Variants in SLA2 observed in about 807,000 individuals in gnomAD.
SLA2 encodes Src like adaptor 2.
SLA2 carries 22 observed loss-of-function variants against 27.3 expected under a neutral mutation model. The ratio of observed to expected loss-of-function variants is 0.81; its 90% CI spans 0.58 to 1.15. The LOEUF is 1.15. Ranked by LOEUF, SLA2 falls within the 50% of genes most tolerant of loss-of-function variation. The probability of loss-of-function intolerance (pLI) is 0.00; values close to 1 mark genes in which losing one functional copy is unlikely to be tolerated. For missense variants in SLA2, 304 were observed against 322.2 expected (o/e 0.94, Z 0.43); for synonymous variants, 131 against 137.8 (o/e 0.95, Z 0.34).
chr20:36,613,812 A>G lies in SLA2; in HGVS notation c.*54T>C. 2.3e-6 allele frequency: 3 copies of G among 1,279,116 alleles called. No homozygotes were observed. Among genetic ancestry groups the G allele is most frequent in the Non-Finnish European group, 3.1e-6 (3 of 971,616 alleles). 79.2% of individuals were successfully genotyped at this position (1,279,116 alleles called of 1,614,324 possible). ...TGCCTCTGGGGTGCCCAGGAGGCTG[A>G]ATTGGGGTTCTAGGTGTGCAGCCTT... On this transcript the variant is annotated 3_prime_UTR_variant, in exon 8 of 8. Transcript: ENST00000262866.
rs1978287868 is a variant in SLA2, at chr20:36,646,099, C to G, written c.-306G>C. 2 of 152,412 alleles carry G rather than the reference C, an allele frequency of 1.3e-5. No homozygotes were observed. The highest frequency in any genetic ancestry group is 4.1e-4 in the South Asian group (2 of 4,830). The allele number at this position is 152,412 out of a possible 1,614,324, so 9.4% of individuals were successfully genotyped here. On this transcript the variant is annotated 5_prime_UTR_variant, in exon 1 of 8. Coordinates refer to ENST00000262866, the MANE Select transcript of SLA2 (RefSeq NM_032214.4). ...CTTAGGGATTCTGGACTGGGGAACC[C>G]TCCCAAGCACAGCCGAGCCAGGGAG...
chr20:36,616,684 G>A lies in SLA2; in HGVS notation c.383-1310C>T, dbSNP rs531019530. Among the ~76,000 whole-genome samples the A allele has an allele frequency of 2.6e-4, 39 of 152,216 alleles. 2 individuals are homozygous for A. The South Asian group carries it at 4.8e-3, about 19-fold the overall frequency. On this transcript the variant is annotated intron_variant, in intron 5 of 7. Transcript: ENST00000262866. The stretch of plus-strand genomic sequence containing the variant: ...GCTCTCGCTCTGTTGCCCAGATGGC[G>A]TGCAGTGGCATGATCACAGCTCCTG...
At chr20:36,623,202 C>T (rs986973409) in intron 5 of SLA2, among the ~76,000 whole-genome samples, 1 of 138,736 alleles carries the variant, frequency 7.2e-6, no homozygotes, top group Non-Finnish European at 1.5e-5. Context: ...AGGAGGCAGA[C>T]GTTGCAGTGA....
At chr20:36,633,400 G>T in intron 4 of SLA2, 143 bp downstream of exon 4, 1 of 700,586 alleles carries the variant, frequency 1.4e-6, no homozygotes, top group Non-Finnish European at 2.6e-6. Flanking sequence ...AGGATGAGCT[G>T]TCTGCCCCTC....
At chr20:36,614,892 T>C (rs1172090196) in intron 6 of SLA2, 1 of 984,904 alleles carries the variant, frequency 1.0e-6, no homozygotes, top group Admixed American at 6.2e-5. Context: ...CTAAGGAGAG[T>C]CAGGATTGAA....
intron 5 of SLA2, chr20:36,621,192 T>TGGTGGC (rs2039278639): frequency 2.1e-6 from 1 of 476,400 alleles, no homozygotes; most frequent in Non-Finnish European, 4.1e-6. Context: ...GTGGTGGATA[T>TGGTGGC]GGTGGCGGTG....
rs369787938 is a variant in SLA2, at chr20:36,641,238, G to A, written c.91+7C>T. ...AGAGCCTGGCTGTCACAGGCCCTGAGGCCTACCTGCTTCCATGGTCACAGG... is the reference window on the plus strand; with the variant it reads ...AGAGCCTGGCTGTCACAGGCCCTGAAGCCTACCTGCTTCCATGGTCACAGG... On this transcript the variant is annotated splice_region_variant and intron_variant, in intron 2 of 7. Coordinates refer to ENST00000262866, the MANE Select transcript of SLA2 (RefSeq NM_032214.4). The A allele has an allele frequency of 1.6e-5, 26 of 1,612,878 alleles. No individual in the cohort carries two copies. The African/African-American group carries it at 2.9e-4, about 18-fold the overall frequency.
chr20:36,622,795 C>T (rs2039298042), intron 5 of SLA2, among the ~76,000 whole-genome samples: 1 of 152,186 alleles, frequency 6.6e-6, no homozygotes, highest in Admixed American at 6.6e-5. Context: ...TATATTGGGT[C>T]CATCTGGACA....
At position 36,637,783 on chromosome 20, in the gene SLA2, T is replaced by G. The variant is rs139331618; in HGVS notation, c.92-3194A>C. On this transcript the variant is annotated intron_variant, in intron 2 of 7. Coordinates refer to ENST00000262866, the MANE Select transcript of SLA2 (RefSeq NM_032214.4). ...CTGGGATTACAGGCACATACCACTA[T>G]GCCTGGCTAATTTTTTTGTACTTTT... Among the ~76,000 whole-genome samples the G allele has an allele frequency of 4.3e-3, 638 of 147,096 alleles. 5 individuals are homozygous for G. Among genetic ancestry groups the G allele is most frequent in the African/African-American group, 0.015 (604 of 39,646 alleles).
chr20:36,625,034 C>T (rs538079335), intron 5 of SLA2, among the ~76,000 whole-genome samples: 3 of 152,254 alleles, frequency 2.0e-5, no homozygotes, highest in Admixed American at 2.0e-4. Flanking sequence ...ATTCAGTAAA[C>T]ATCTGCTGAG....
At chr20:36,620,722 A>C (rs2039273222) in intron 5 of SLA2, 1 of 166,112 alleles carries the variant, frequency 6.0e-6, no homozygotes, top group Non-Finnish European at 1.3e-5. Context: ...GGTGTGCACC[A>C]CCAAGCCTGG....
chr20:36,640,156 A>C (rs2039492004), intron 2 of SLA2, among the ~76,000 whole-genome samples: 1 of 151,020 alleles, frequency 6.6e-6, no homozygotes, highest in South Asian at 2.1e-4. Context: ...AAAATTTTAA[A>C]ATTTAGCCAG....
Position 36,632,614 on chromosome 20 carries a change from C to T in SLA2, c.363G>A (p.Arg121=). The change falls in exon 5 of 8, where the codon CGG becomes CGA. Residue 121 remains arginine, a synonymous_variant. Transcript: ENST00000262866. ...PGNPGGAFLI[R]ESQTRRGSYS... ...ACTCACCTCTCCTGGTCTGGCTCTC[C>T]CGGATGAGGAAGGCCCCTCCAGGGT... 1.2e-6 allele frequency: 2 copies of T among 1,614,164 alleles called. No homozygotes were observed. The highest frequency in any genetic ancestry group is 1.7e-6 in the Non-Finnish European group (2 of 1,180,018).
At chr20:36,633,119 T>A (rs2039408794) in intron 4 of SLA2, among the ~76,000 whole-genome samples, 2 of 152,180 alleles carry the variant, frequency 1.3e-5, no homozygotes, top group Admixed American at 1.3e-4. Flanking sequence ...TGGCCTAGAC[T>A]AGAGTGCAGT....
At chr20:36,621,218 G>T (rs968840337) in intron 5 of SLA2, 2 of 518,970 alleles carry the variant, frequency 3.9e-6, no homozygotes, top group East Asian at 4.8e-5. Context: ...GGATATGATG[G>T]TTACAATGAA....
At chr20:36,623,685 A>T (rs1476751867) in intron 5 of SLA2, among the ~76,000 whole-genome samples, 2 of 151,352 alleles carry the variant, frequency 1.3e-5, no homozygotes, top group African/African-American at 4.9e-5. Context: ...TTTTAGAGAC[A>T]GTTTCACTGT....
chr20:36,634,533 C>T lies in SLA2; in HGVS notation c.148G>A (p.Glu50Lys), dbSNP rs556544498. 18 of 1,611,432 alleles carry T rather than the reference C, an allele frequency of 1.1e-5. No homozygotes were observed. The highest frequency in any genetic ancestry group is 1.6e-4 in the Middle Eastern group (1 of 6,076). ...LGSFPAGGPA[E>K]LSLRLGEPLT... ...GGCTCCCCGAGTCTCAGCGACAGCTCGGCCGGGCCACCTGCCGGGAAACTG... is the reference window on the plus strand; with the variant it reads ...GGCTCCCCGAGTCTCAGCGACAGCTTGGCCGGGCCACCTGCCGGGAAACTG... The change falls in exon 3 of 8, where the codon GAG becomes AAG. Residue 50 changes from glutamate to lysine, a missense_variant. Glu to Lys is a moderately conservative substitution (Grantham distance 56). Transcript: ENST00000262866.
intron 2 of SLA2, among the ~76,000 whole-genome samples, chr20:36,637,580 T>C (rs2039464272): frequency 6.6e-6 from 1 of 151,890 alleles, no homozygotes; most frequent in South Asian, 2.1e-4. Context: ...TGCAGGCACA[T>C]TGATGTTATT....
At chr20:36,640,505 CTTTTTTTT>C (rs1162794643) in intron 2 of SLA2, among the ~76,000 whole-genome samples, 1 of 133,276 alleles carries the variant, frequency 7.5e-6, no homozygotes, top group Non-Finnish European at 1.6e-5. Context: ...GATGAAAGAC[CTTTTTTTT>C]TTTTTTTTTT....
Sources: allele counts gnomAD v4.1 joint callset (sites outside exome capture counted in the v4.1 genomes callset), GRCh38; gene constraint gnomAD v4.1.1; transcripts MANE v1.5; gene names NCBI Gene and HGNC (gene_info 2026-07-23, HGNC 2026-07-21).